The following COX7B2 variants were observed in gnomAD, a reference collection of about 807,000 sequenced individuals.
COX7B2 encodes cytochrome c oxidase subunit 7B2.
For synonymous variants in COX7B2, 37 were observed against 32.1 expected (o/e 1.15, Z -0.51); for missense variants, 109 against 95.9 (o/e 1.14, Z -0.57).
At chr4:46,829,462 T>A (rs996829320) in intron 2 of COX7B2, among the ~76,000 whole-genome samples, 2 of 152,010 alleles carry the variant, frequency 1.3e-5, no homozygotes, top group African/African-American at 2.4e-5. Flanking sequence ...AACATGCAAT[T>A]TTTTTTCCAG....
At chr4:46,867,471 G>C in intron 1 of COX7B2, among the ~76,000 whole-genome samples, 1 of 152,150 alleles carries the variant, frequency 6.6e-6, no homozygotes. Flanking sequence ...CCAGCATCAC[G>C]ACAGTTTACA....
intron 2 of COX7B2, among the ~76,000 whole-genome samples, chr4:46,836,288 A>G (rs1322253324): frequency 6.6e-6 from 1 of 152,054 alleles, no homozygotes; most frequent in African/African-American, 2.4e-5. Context: ...AAACACAAAC[A>G]CTGTACAACT....
At chr4:46,744,302 T>C (rs1191729829) in intron 2 of COX7B2, among the ~76,000 whole-genome samples, 3 of 152,106 alleles carry the variant, frequency 2.0e-5, no homozygotes, top group South Asian at 4.2e-4. Flanking sequence ...TTAGGCCTCC[T>C]GAGCTCCTAT....
At chr4:46,797,819 G>C (rs1427891916) in intron 2 of COX7B2, among the ~76,000 whole-genome samples, 1 of 152,150 alleles carries the variant, frequency 6.6e-6, no homozygotes, top group Non-Finnish European at 1.5e-5. Flanking sequence ...CATTGCTTGG[G>C]CAAATAACAC....
chr4:46,775,572 A>C (rs1210659792), intron 2 of COX7B2, among the ~76,000 whole-genome samples: 1 of 152,048 alleles, frequency 6.6e-6, no homozygotes, highest in African/African-American at 2.4e-5. Context: ...ATCCCCCTCC[A>C]TTATGTATGG....
intron 2 of COX7B2, among the ~76,000 whole-genome samples, chr4:46,761,479 C>G (rs888122986): frequency 6.6e-6 from 1 of 152,146 alleles, no homozygotes; most frequent in African/African-American, 2.4e-5. Context: ...CTGTTTTCTC[C>G]TGGTCCGAGG....
At chr4:46,810,161 T>C (rs1719216413) in intron 2 of COX7B2, among the ~76,000 whole-genome samples, 2 of 152,006 alleles carry the variant, frequency 1.3e-5, no homozygotes, top group African/African-American at 4.8e-5. Flanking sequence ...AGGCAGCATA[T>C]AGTTGGATAT....
chr4:46,882,885 T>G (rs1718836719), intron 1 of COX7B2, among the ~76,000 whole-genome samples: 1 of 152,084 alleles, frequency 6.6e-6, no homozygotes, highest in African/African-American at 2.4e-5. Context: ...AAGCCACAAA[T>G]CATTATCACT....
chr4:46,905,072 A>T (rs1458621734), intron 1 of COX7B2, among the ~76,000 whole-genome samples: 1 of 152,226 alleles, frequency 6.6e-6, no homozygotes, highest in Non-Finnish European at 1.5e-5. Flanking sequence ...TTCTTACCTC[A>T]GAGAGTTGAT....
chr4:46,873,615 A>G (rs1348689960), intron 1 of COX7B2, among the ~76,000 whole-genome samples: 1 of 152,146 alleles, frequency 6.6e-6, no homozygotes, highest in East Asian at 1.9e-4. Context: ...CATTAATTTA[A>G]TTAATACATA....
At chr4:46,885,913 C>A (rs755628487) in intron 1 of COX7B2, among the ~76,000 whole-genome samples, 5 of 152,056 alleles carry the variant, frequency 3.3e-5, no homozygotes, top group Non-Finnish European at 7.4e-5. Flanking sequence ...AACTGAGTTT[C>A]CAGGTCAAGA....
At chr4:46,838,746 T>C (rs774188588) in intron 2 of COX7B2, among the ~76,000 whole-genome samples, 1 of 152,094 alleles carries the variant, frequency 6.6e-6, no homozygotes, top group Admixed American at 6.6e-5. Flanking sequence ...CTGGGAAAAC[T>C]CTGTGTGTCA....
intron 2 of COX7B2, among the ~76,000 whole-genome samples, chr4:46,814,601 T>C (rs897779202): frequency 5.9e-5 from 9 of 152,196 alleles, no homozygotes; most frequent in African/African-American, 1.9e-4. Flanking sequence ...AAAACATATA[T>C]GTAAAGTAAG....
chr4:46,886,041 A>C (rs1030869470), intron 1 of COX7B2, among the ~76,000 whole-genome samples: 3 of 152,168 alleles, frequency 2.0e-5, no homozygotes, highest in African/African-American at 7.2e-5. Flanking sequence ...AAGGGTGAAA[A>C]GTAAAGATTT....
intron 2 of COX7B2, among the ~76,000 whole-genome samples, chr4:46,801,493 C>T (rs760144351): frequency 6.6e-6 from 1 of 152,116 alleles, no homozygotes; most frequent in Non-Finnish European, 1.5e-5. Flanking sequence ...AAACAAATAT[C>T]GCATGTTCCT....
chr4:46,895,594 G>A (rs1391173409), intron 1 of COX7B2, among the ~76,000 whole-genome samples: 2 of 152,026 alleles, frequency 1.3e-5, no homozygotes, highest in African/African-American at 2.4e-5. Flanking sequence ...TCCGCATGAC[G>A]CTAGTTTACC....
At chr4:46,739,634 T>A (rs148721847) in intron 2 of COX7B2, among the ~76,000 whole-genome samples, 2 of 152,096 alleles carry the variant, frequency 1.3e-5, no homozygotes, top group Admixed American at 6.6e-5. Flanking sequence ...TTAGAAGAGA[T>A]GATACCTAAG....
At chr4:46,836,039 A>G (rs1715493838) in intron 2 of COX7B2, among the ~76,000 whole-genome samples, 1 of 152,164 alleles carries the variant, frequency 6.6e-6, no homozygotes, top group Non-Finnish European at 1.5e-5. Flanking sequence ...GGCACTTATG[A>G]ATGGAGCTTG....
At chr4:46,750,372 G>A (rs564731729) in intron 2 of COX7B2, among the ~76,000 whole-genome samples, 5 of 152,038 alleles carry the variant, frequency 3.3e-5, no homozygotes, top group African/African-American at 1.2e-4. Context: ...CCATCAGCCT[G>A]GGCAAAAGAG....
Sources: gnomAD v4.1 joint callset for allele counts (sites outside exome capture counted in the v4.1 genomes callset) on GRCh38, gnomAD v4.1.1 for gene constraint, MANE v1.5 for transcripts, NCBI Gene and HGNC (gene_info 2026-07-23, HGNC 2026-07-21) for gene names.